The following ALDH1A2 variants were observed in gnomAD, a reference collection of about 807,000 sequenced individuals.
ALDH1A2 encodes retinal dehydrogenase 2.
Under a neutral mutation model 60.3 loss-of-function variants are expected in ALDH1A2, and 27 were observed. The ratio of observed to expected loss-of-function variants is 0.45; its 90% CI spans 0.33 to 0.62. The LOEUF is 0.62. ALDH1A2 is among the 20% of genes least tolerant of loss of function. The probability of loss-of-function intolerance (pLI) is 0.02; values close to 1 mark genes in which losing one functional copy is unlikely to be tolerated. For missense variants in ALDH1A2, 581 were observed against 643.8 expected, an observed-to-expected ratio of 0.90 and a Z score of 1.06; for synonymous variants, 289 against 232.4, an observed-to-expected ratio of 1.24 and a Z score of -2.21.
intron 1 of ALDH1A2, among the ~76,000 whole-genome samples, chr15:58,052,270 C>T (rs1896794285): frequency 6.6e-6 from 1 of 152,034 alleles, no homozygotes; most frequent in Non-Finnish European, 1.5e-5. Flanking sequence ...GCAAGCAGTT[C>T]AGTATTGTCT....
rs187488555 is a variant in ALDH1A2, at chr15:58,045,686, C to T, written c.117+19848G>A. ...GCATATTCTCACTCATAAGCAGGAA[C>T]TGAACAATGAGAACACGTGGACACA... On this transcript the variant is annotated intron_variant, in intron 1 of 12. Transcript: ENST00000249750. Among the ~76,000 whole-genome samples the T allele has an allele frequency of 3.1e-3, 467 of 152,100 alleles. 3 individuals carry two copies. The highest frequency in any genetic ancestry group is 0.011 in the African/African-American group (447 of 41,510).
chr15:57,991,288 C>T (rs1894888146), intron 7 of ALDH1A2: 1 of 152,102 alleles, frequency 6.6e-6, no homozygotes, highest in African/African-American at 2.4e-5. Context: ...TAATAATTCC[C>T]TTTCATACTC....
Position 57,954,998 on chromosome 15 carries a change from G to A in ALDH1A2, c.*199C>T. 3.1e-6 allele frequency: 2 copies of A among 647,642 alleles called. No homozygotes were observed. The highest frequency in any genetic ancestry group is 2.4e-5 in the Admixed American group (1 of 42,472). The allele number at this position is 647,642 out of a possible 1,614,324, so 40.1% of individuals were successfully genotyped here. A position where few individuals can be genotyped will look rare whatever the true frequency, so the allele number is the denominator to read the frequency against. ...CCCCAATATTTGGTATGATTAAGGT[G>A]GCCCCTTACAGAGTGCCAAGAAACT... On this transcript the variant is annotated 3_prime_UTR_variant, in exon 13 of 13. Coordinates refer to ENST00000249750, the MANE Select transcript of ALDH1A2 (RefSeq NM_003888.4).
At chr15:57,972,148 AAAGAC>A (rs10618520) in intron 7 of ALDH1A2, among the ~76,000 whole-genome samples, 68,626 of 151,440 alleles carry the variant, frequency 0.45, 16,043 homozygotes, top group Non-Finnish European at 0.53. Context: ...AATTGGAAAA[AAAGAC>A]AAGACAAGAC....
Position 57,983,344 on chromosome 15 carries a change from G to A in ALDH1A2, c.798+9361C>T, listed in dbSNP as rs57880991. On this transcript the variant is annotated intron_variant, in intron 7 of 12. Coordinates refer to ENST00000249750, the MANE Select transcript of ALDH1A2 (RefSeq NM_003888.4). ...ACATTGTGAGTCCCTGAGGACTCACGAGGGTCCTCACAGCTAGCATTCCTT... is the reference window on the plus strand; with the variant it reads ...ACATTGTGAGTCCCTGAGGACTCACAAGGGTCCTCACAGCTAGCATTCCTT... Among the ~76,000 whole-genome samples, 222 of 152,236 alleles carry A rather than the reference G, an allele frequency of 1.5e-3. 1 individual carries two copies. The highest frequency in any genetic ancestry group is 5.0e-3 in the African/African-American group (209 of 41,558).
chr15:57,983,071 ACAC>A (rs1894569693), intron 7 of ALDH1A2, among the ~76,000 whole-genome samples: 1 of 152,210 alleles, frequency 6.6e-6, no homozygotes, highest in Admixed American at 6.5e-5. Flanking sequence ...CTAAGGATAG[ACAC>A]TGAATTCAAA....
intron 1 of ALDH1A2, among the ~76,000 whole-genome samples, chr15:58,018,064 AT>A (rs1278406322): frequency 6.6e-6 from 1 of 152,186 alleles, no homozygotes; most frequent in Non-Finnish European, 1.5e-5. Flanking sequence ...TGTCCATAGC[AT>A]TATTCCCTGA....
At chr15:57,972,771 A>G (rs545719034) in intron 7 of ALDH1A2, among the ~76,000 whole-genome samples, 1 of 152,322 alleles carries the variant, frequency 6.6e-6, no homozygotes, top group South Asian at 2.1e-4. Context: ...TTTTCATGAC[A>G]TTCAAACTGG....
intron 7 of ALDH1A2, among the ~76,000 whole-genome samples, chr15:57,974,069 C>A (rs1353881974): frequency 1.3e-4 from 19 of 151,974 alleles, no homozygotes; most frequent in Non-Finnish European, 4.4e-5. Flanking sequence ...TGTTATAAAG[C>A]TATAATAGTC....
At chr15:58,041,554 C>G (rs1348087032) in intron 1 of ALDH1A2, among the ~76,000 whole-genome samples, 1 of 151,862 alleles carries the variant, frequency 6.6e-6, no homozygotes, top group Non-Finnish European at 1.5e-5. Context: ...GGTGAGGGCC[C>G]ACTTTTTGGT....
In ALDH1A2 at chr15:57,954,017, C is replaced by T. The variant is rs1893433199; in HGVS notation, c.*1180G>A. On this transcript the variant is annotated 3_prime_UTR_variant, in exon 13 of 13. Transcript: ENST00000249750. Reference sequence around the variant, plus strand: ...CTGCAAGCTGTAGGCCATGGCCTGCCCAGTGAGGGGCAAGAATGGGGTGTG... The same window carrying T: ...CTGCAAGCTGTAGGCCATGGCCTGCTCAGTGAGGGGCAAGAATGGGGTGTG... The T allele has an allele frequency of 6.6e-6, 1 of 152,414 alleles. No individual in the cohort carries two copies. Among genetic ancestry groups the T allele is most frequent in the Non-Finnish European group, 1.5e-5 (1 of 68,108 alleles). 9.4% of individuals were successfully genotyped at this position (152,414 alleles called of 1,614,324 possible).
At chr15:57,960,888 A>G (rs1893695627) in intron 11 of ALDH1A2, 44 bp from the exon 12 acceptor site, 1 of 1,560,914 alleles carries the variant, frequency 6.4e-7, no homozygotes, top group Non-Finnish European at 8.8e-7. Flanking sequence ...GTGAAGTCTG[A>G]GCACATAATC....
chr15:57,999,924 T>C (rs1440868902), intron 4 of ALDH1A2, among the ~76,000 whole-genome samples: 1 of 151,846 alleles, frequency 6.6e-6, no homozygotes, highest in Non-Finnish European at 1.5e-5. Flanking sequence ...GGACAATAGA[T>C]GGAGCTGGAA....
chr15:58,064,007 C>T (rs1377737338), intron 1 of ALDH1A2, among the ~76,000 whole-genome samples: 1 of 152,150 alleles, frequency 6.6e-6, no homozygotes, highest in African/African-American at 2.4e-5. Flanking sequence ...CTATTGCATA[C>T]CTAAAATTTC....
At position 57,995,232 on chromosome 15, in the gene ALDH1A2, A is replaced by C. The variant is rs548247204; in HGVS notation, c.494-93T>G. ...TTGGTGGCTGCAAAAAAAAAAAAAA[A>C]AAAACAAACAGAAATAAACTTGAAA... On this transcript the variant is annotated intron_variant, in intron 4 of 12. Transcript: ENST00000249750. 3.7e-4 allele frequency: 277 copies of C among 747,208 alleles called. 3 individuals are homozygous for C. In the East Asian group the frequency reaches 7.5e-3, roughly 20 times the overall value. The allele number at this position is 747,208 out of a possible 1,614,324, so 46.3% of individuals were successfully genotyped here.
intron 1 of ALDH1A2, among the ~76,000 whole-genome samples, chr15:58,037,305 A>G (rs1370056261): frequency 6.6e-6 from 1 of 151,780 alleles, no homozygotes; most frequent in African/African-American, 2.4e-5. Context: ...AAGGTATGTT[A>G]TAAATTAACC....
Position 57,992,833 on chromosome 15 carries a change from C to T in ALDH1A2, c.685-15G>A, listed in dbSNP as rs1424999331. 3.1e-6 allele frequency: 5 copies of T among 1,613,988 alleles called. No homozygotes were observed. In the Admixed American group the frequency reaches 8.3e-5, roughly 27 times the overall value. On this transcript the variant is annotated splice_polypyrimidine_tract_variant and intron_variant, in intron 6 of 12. Transcript: ENST00000249750. ...GGAAAGCCAGCCTAAGAAAACAGAA[C>T]AGGAGGAAACGTGGCTGATGAAAGC... is the stretch of plus-strand genomic sequence containing the variant.
At chr15:58,058,702 T>C (rs577226504) in intron 1 of ALDH1A2, among the ~76,000 whole-genome samples, 1 of 152,196 alleles carries the variant, frequency 6.6e-6, no homozygotes, top group Non-Finnish European at 1.5e-5. Context: ...TTTCCACAGT[T>C]GTAGTGATAA....
At chr15:57,982,432 G>C (rs1326168432) in intron 7 of ALDH1A2, among the ~76,000 whole-genome samples, 6 of 152,148 alleles carry the variant, frequency 3.9e-5, no homozygotes, top group Non-Finnish European at 7.4e-5. Context: ...GGTTTAGAGA[G>C]ACGCAAACTA....
Sources: allele counts gnomAD v4.1 joint callset (sites outside exome capture counted in the v4.1 genomes callset), GRCh38; gene constraint gnomAD v4.1.1; transcripts MANE v1.5; gene names NCBI Gene and HGNC (gene_info 2026-07-23, HGNC 2026-07-21).